Variants in MYO1H observed in about 807,000 individuals in gnomAD.
MYO1H encodes unconventional myosin-Ih.
Under a neutral mutation model 149.3 loss-of-function variants are expected in MYO1H, and 118 were observed. The ratio of observed to expected loss-of-function variants is 0.79; its 90% CI spans 0.68 to 0.92. The LOEUF is 0.92. Ranked by LOEUF, MYO1H falls within the 40% of genes least tolerant of loss-of-function variation. The pLI is 0.00. For missense variants in MYO1H, 1,212 were observed against 1,280.7 expected (o/e 0.95, Z 0.82); for synonymous variants, 447 against 465.2 (o/e 0.96, Z 0.50).
intron 10 of MYO1H, among the ~76,000 whole-genome samples, chr12:109,409,246 C>CTTTTTTTTT (rs66507410): frequency 2.3e-3 from 112 of 47,860 alleles, no homozygotes; most frequent in Non-Finnish European, 2.9e-3. Context: ...TCTTCTTCTT[C>CTTTTTTTTT]TTTTTTTTTT....
chr12:109,352,010 T>C (rs1336235768), intron 1 of MYO1H, among the ~76,000 whole-genome samples: 2 of 152,170 alleles, frequency 1.3e-5, no homozygotes, highest in Admixed American at 6.5e-5. Context: ...CCATAAGATA[T>C]GCTTTGCTCT....
intron 19 of MYO1H, among the ~76,000 whole-genome samples, chr12:109,428,910 A>G (rs773647511): frequency 6.6e-6 from 1 of 152,114 alleles, no homozygotes; most frequent in South Asian, 2.1e-4. Context: ...CATTCTTTCC[A>G]TAAAATCTAG....
At chr12:109,326,927 T>C in the MYO1H span, among the ~76,000 whole-genome samples, 7 of 151,924 alleles carry the variant, frequency 4.6e-5, no homozygotes, top group Admixed American at 2.6e-4. Flanking sequence ...ACTTATAAAC[T>C]TTCCCCCCAC....
chr12:109,431,602 A>T (rs1165588693), intron 19 of MYO1H, among the ~76,000 whole-genome samples: 1 of 152,180 alleles, frequency 6.6e-6, no homozygotes, highest in Non-Finnish European at 1.5e-5. Context: ...GAACCCAGGC[A>T]TTCTGTTTCT....
chr12:109,445,690 G>T, intron 31 of MYO1H, 78 bp downstream of exon 31: 1 of 1,520,902 alleles, frequency 6.6e-7, no homozygotes, highest in South Asian at 1.3e-5. Context: ...TTTCAGTCCT[G>T]TAGATTGACT....
At chr12:109,439,001 T>C (rs11066576) in intron 23 of MYO1H, among the ~76,000 whole-genome samples, 10,140 of 152,298 alleles carry the variant, frequency 0.067, 375 homozygotes, top group South Asian at 0.11. Context: ...TTACTGCTGC[T>C]GTGGGGAAAT....
rs116597047 is a variant in MYO1H at position 109,405,946 on chromosome 12, G to C, written c.874G>C (p.Val292Leu). ...GAATCTCTTTGGAATTATTGCCAGT[G>C]TCTTACACCTGGGGAACATTGGTTT... is the stretch of plus-strand genomic sequence containing the variant. The change falls in exon 8 of 32, where the codon GTC becomes CTC. Residue 292 changes from valine to leucine, a missense_variant. Transcript: ENST00000310903. 6.2e-6 allele frequency: 10 copies of C among 1,612,810 alleles called. No individual in the cohort carries two copies. In the African/African-American group the frequency reaches 1.2e-4, roughly 19 times the overall value.
At chr12:109,390,673 T>TG (rs1869608350) in intron 2 of MYO1H, among the ~76,000 whole-genome samples, 2 of 151,842 alleles carry the variant, frequency 1.3e-5, no homozygotes, top group African/African-American at 4.8e-5. Flanking sequence ...TTTGTTTTTT[T>TG]TTTCTTTTTC....
chr12:109,320,623 C>CAAA, the MYO1H span, among the ~76,000 whole-genome samples: 3 of 92,804 alleles, frequency 3.2e-5, no homozygotes, highest in Admixed American at 2.4e-4. Flanking sequence ...GAATCTGTCT[C>CAAA]AAAAAAAAAA....
chr12:109,431,992 A>ATTTTTTTT (rs554701536), intron 19 of MYO1H, among the ~76,000 whole-genome samples: 2 of 85,746 alleles, frequency 2.3e-5, no homozygotes, highest in Non-Finnish European at 4.2e-5. Context: ...TAAAAAAAAA[A>ATTTTTTTT]TTTTTTTTTT....
At chr12:109,441,923 T>G (rs1194436136) in intron 26 of MYO1H, among the ~76,000 whole-genome samples, 1 of 152,146 alleles carries the variant, frequency 6.6e-6, no homozygotes, top group Non-Finnish European at 1.5e-5. Flanking sequence ...GGTGTCCACC[T>G]GTAGTCCCAA....
chr12:109,314,416 A>G, the MYO1H span, among the ~76,000 whole-genome samples: 1 of 152,174 alleles, frequency 6.6e-6, no homozygotes, highest in African/African-American at 2.4e-5. Context: ...GCTAGTGAAT[A>G]ATCCATGATA....
In MYO1H at chr12:109,388,814, C is replaced by G. The variant is rs749797102; in HGVS notation, c.144C>G (p.Leu48=). Residue 48 remains leucine (L), a synonymous_variant, in exon 2 of 32, where the codon CTC becomes CTG. Transcript: ENST00000310903. ...GCGAATCTGCCTTTGTCGACAACCT[C>G]CGCAAGCGTTTCAGCGAGAACCTCA... The G allele has an allele frequency of 3.1e-6, 5 of 1,612,782 alleles. No individual in the cohort carries two copies. In the Admixed American group the frequency reaches 6.7e-5, roughly 22 times the overall value.
intron 2 of MYO1H, among the ~76,000 whole-genome samples, chr12:109,390,705 C>A (rs750066133): frequency 5.9e-5 from 9 of 151,694 alleles, no homozygotes; most frequent in Non-Finnish European, 1.0e-4. Flanking sequence ...CACTCTGTCG[C>A]CCAGGCTGGG....
intron 27 of MYO1H, among the ~76,000 whole-genome samples, chr12:109,443,019 T>G (rs953505207): frequency 1.0e-5 from 1 of 98,334 alleles, no homozygotes; most frequent in Non-Finnish European, 2.0e-5. Flanking sequence ...AATATATATA[T>G]ATATATATAT....
At chr12:109,344,850 A>G (rs2048097822), upstream of MYO1H, among the ~76,000 whole-genome samples, 1 of 152,222 alleles carries the variant, frequency 6.6e-6, no homozygotes, top group Admixed American at 6.5e-5. Context: ...GATTTTCGAC[A>G]AGGGAGCCAA....
At chr12:109,436,632 C>A (rs1246417850) in intron 22 of MYO1H, 76 bp downstream of exon 22, 2 of 973,072 alleles carry the variant, frequency 2.1e-6, no homozygotes, top group Non-Finnish European at 3.2e-6. Flanking sequence ...TTTGTGAGTT[C>A]TCTCCCCCTG....
At chr12:109,369,393 A>T (rs1308909387) in intron 1 of MYO1H, among the ~76,000 whole-genome samples, 1 of 152,222 alleles carries the variant, frequency 6.6e-6, no homozygotes, top group Admixed American at 6.5e-5. Flanking sequence ...AAATACAAAA[A>T]CCAAATGATA....
chr12:109,360,110 CTTCT>C (rs1443281645), intron 1 of MYO1H, among the ~76,000 whole-genome samples: 22 of 148,646 alleles, frequency 1.5e-4, no homozygotes, highest in East Asian at 7.7e-4. Flanking sequence ...TTTTCTTTTT[CTTCT>C]TTCTTTTTTT....
Sources: gnomAD v4.1 joint callset for allele counts (sites outside exome capture counted in the v4.1 genomes callset) on GRCh38, gnomAD v4.1.1 for gene constraint, MANE v1.5 for transcripts, NCBI Gene and HGNC (gene_info 2026-07-23, HGNC 2026-07-21) for gene names.